Variants in EZR observed in about 807,000 individuals in gnomAD.
The protein encoded by EZR is ezrin, also known as cytovillin 2.
A neutral mutation model predicts 74.8 loss-of-function variants in EZR; 40 were observed. The observed-to-expected ratio is 0.53, with a 90% CI of 0.42 to 0.70. The LOEUF (loss-of-function observed/expected upper bound fraction) is 0.70. Ranked by LOEUF, EZR falls within the 30% of genes least tolerant of loss-of-function variation. The probability of loss-of-function intolerance (pLI) is 0.00; values close to 1 mark genes in which losing one functional copy is unlikely to be tolerated. For missense variants in EZR, 678 were observed against 755.8 expected (o/e 0.90, Z 1.21); for synonymous variants, 341 against 283.3 (o/e 1.20, Z -2.05).
Position 158,765,925 on chromosome 6 carries a change from AAACACAAG to A in EZR, c.*981_*988del, listed in dbSNP as rs1389506441. ...TGGCAGAGAGAGACTGCAAACAAAC[AAACACAAG>A]CAAACAGAGTCTCTTCACAGCTGGA... is the stretch of plus-strand genomic sequence containing the variant. On this transcript the variant is annotated 3_prime_UTR_variant, in exon 14 of 14. Coordinates refer to ENST00000367075, the MANE Select transcript of EZR (RefSeq NM_001111077.2). The A allele has an allele frequency of 6.7e-6, 1 of 149,998 alleles. No individual in the cohort carries two copies. The highest frequency in any genetic ancestry group is 1.5e-5 in the Non-Finnish European group (1 of 66,324). The allele number at this position is 149,998 out of a possible 1,614,324, so 9.3% of individuals were successfully genotyped here.
In EZR at chr6:158,766,745, C is replaced by T. The variant is rs1196896251; in HGVS notation, c.*169G>A. The stretch of plus-strand genomic sequence containing the variant: ...ACTATTACAACTGGGGAAAACAAAC[C>T]AGGGCGCCTCCCTGGTTCCCAGCCC... On this transcript the variant is annotated 3_prime_UTR_variant, in exon 14 of 14. Coordinates refer to ENST00000367075, the MANE Select transcript of EZR (RefSeq NM_001111077.2). The T allele has an allele frequency of 2.9e-6, 2 of 697,456 alleles. No individual in the cohort carries two copies. Among genetic ancestry groups the T allele is most frequent in the East Asian group, 2.5e-5 (1 of 39,778 alleles). 43.2% of individuals were successfully genotyped at this position (697,456 alleles called of 1,614,324 possible). A position where few individuals can be genotyped will look rare whatever the true frequency, so the allele number is the denominator to read the frequency against.
At chr6:158,768,929 A>C (rs1791005622) in intron 12 of EZR, among the ~76,000 whole-genome samples, 1 of 152,200 alleles carries the variant, frequency 6.6e-6, no homozygotes, top group South Asian at 2.1e-4. Flanking sequence ...TACTAGCTGC[A>C]GGAGGTCGTG....
intron 2 of EZR, among the ~76,000 whole-genome samples, chr6:158,814,197 G>A (rs903903862): frequency 3.9e-5 from 6 of 152,164 alleles, no homozygotes; most frequent in East Asian, 3.8e-4. Context: ...AGTCACACAT[G>A]AATAGAGTCC....
chr6:158,778,399 A>G (rs1031527573), intron 7 of EZR, among the ~76,000 whole-genome samples: 1 of 152,216 alleles, frequency 6.6e-6, no homozygotes, highest in East Asian at 1.9e-4. Flanking sequence ...ACTCATAAGC[A>G]TAACTGCAGT....
chr6:158,794,710 GT>G lies in EZR; in HGVS notation c.13-5340del, dbSNP rs535827402. ...CAACGCAATCACGTGTAGTACAGGT[GT>G]GTGTATAGTAAGCAGTTAGTCATCC... On this transcript the variant is annotated intron_variant, in intron 2 of 13. Transcript: ENST00000367075. 2.2e-3 allele frequency among the ~76,000 whole-genome samples: 333 copies of G among 152,272 alleles called. 2 individuals carry two copies. Among genetic ancestry groups the G allele is most frequent in the African/African-American group, 7.7e-3 (318 of 41,534 alleles).
chr6:158,771,124 G>T, intron 9 of EZR, 120 bp downstream of exon 9: 2 of 1,430,210 alleles, frequency 1.4e-6, no homozygotes, highest in South Asian at 2.7e-5. Context: ...CCAGCGTGGT[G>T]ACTGGGTTCC....
chr6:158,789,628 TC>T (rs1791680276), intron 2 of EZR: 2 of 551,182 alleles, frequency 3.6e-6, no homozygotes, highest in Middle Eastern at 2.8e-4. Flanking sequence ...GCAGTTTTTC[TC>T]TTTTCTTTGA....
intron 2 of EZR, among the ~76,000 whole-genome samples, chr6:158,798,953 C>T (rs921250462): frequency 2.0e-5 from 3 of 152,126 alleles, no homozygotes; most frequent in African/African-American, 7.2e-5. Context: ...CTGAGCACAA[C>T]CCAGCACTCT....
At position 158,769,854 on chromosome 6, in the gene EZR, A is replaced by G. The variant is rs772852240; in HGVS notation, c.1181T>C (p.Met394Thr). ...CTCCTCCTTAGCCCGCAGTGCAGCC[A>G]TACGGTCAGCCTCTAGGCGCTCGGC... ...EEAERLEADR[M>T]AALRAKEELE... The change falls in exon 11 of 14, where the codon ATG (methionine) becomes ACG (threonine). Residue 394 changes from methionine (M) to threonine (T), a missense_variant. Physicochemically the swap from Met to Thr is moderately conservative, Grantham distance 81. This residue lies in a region of EZR where 342 missense variants were observed against 341.2 expected (regional missense o/e 1.00). Transcript: ENST00000367075. 2 of 1,613,922 alleles carry G rather than the reference A, an allele frequency of 1.2e-6. No homozygotes were observed. Among genetic ancestry groups the G allele is most frequent in the East Asian group, 2.2e-5 (1 of 44,878 alleles).
chr6:158,805,915 A>G (rs1163868027), intron 2 of EZR, among the ~76,000 whole-genome samples: 1 of 152,186 alleles, frequency 6.6e-6, no homozygotes, highest in East Asian at 1.9e-4. Context: ...TAAAATGGCT[A>G]AAGCCCTACC....
At chr6:158,807,282 T>A (rs1296881769) in intron 2 of EZR, among the ~76,000 whole-genome samples, 1 of 144,784 alleles carries the variant, frequency 6.9e-6, no homozygotes, top group Non-Finnish European at 1.5e-5. Context: ...ACCACTGCAC[T>A]CCAGCCTGGG....
chr6:158,776,323 C>T lies in EZR; in HGVS notation c.795+85G>A, dbSNP rs529875405. The T allele has an allele frequency of 1.2e-4, 139 of 1,127,382 alleles. No homozygotes were observed. The African/African-American group carries it at 1.9e-3, about 15-fold the overall frequency. The allele number at this position is 1,127,382 out of a possible 1,614,324, so 69.8% of individuals were successfully genotyped here. A position where few individuals can be genotyped will look rare whatever the true frequency, so the allele number is the denominator to read the frequency against. On this transcript the variant is annotated intron_variant, in intron 8 of 13. Transcript: ENST00000367075. ...GAGGAGTTTGGACTATCACTGGCTA[C>T]TCGTCACAGTATAACTTGTCCGTTA...
At chr6:158,812,190 A>G (rs1057354665) in intron 2 of EZR, among the ~76,000 whole-genome samples, 6 of 152,118 alleles carry the variant, frequency 3.9e-5, no homozygotes, top group African/African-American at 1.4e-4. Context: ...GAGTCATCCT[A>G]GCCCCTATTC....
At chr6:158,799,489 G>A (rs1239553668) in intron 2 of EZR, among the ~76,000 whole-genome samples, 1 of 152,220 alleles carries the variant, frequency 6.6e-6, no homozygotes, top group Admixed American at 6.5e-5. Context: ...TCCATTTGTT[G>A]TACTAGCAGA....
intron 10 of EZR, 116 bp downstream of exon 10, chr6:158,770,648 G>A (rs886677548): frequency 5.9e-6 from 7 of 1,195,400 alleles, no homozygotes; most frequent in Admixed American, 5.8e-5. Flanking sequence ...CTGTGAGTCT[G>A]CGCTGTGGGA....
chr6:158,781,802 C>T (rs1441895319), intron 7 of EZR, among the ~76,000 whole-genome samples: 1 of 152,026 alleles, frequency 6.6e-6, no homozygotes. Context: ...CTCGCTCTGT[C>T]ACCCAGGCTA....
intron 12 of EZR, among the ~76,000 whole-genome samples, chr6:158,767,855 T>C (rs1790952791): frequency 1.3e-5 from 2 of 152,154 alleles, no homozygotes; most frequent in Non-Finnish European, 1.5e-5. Context: ...ACAGTCATTA[T>C]CAAGTGCTCT....
At chr6:158,773,054 C>T (rs185330569) in intron 8 of EZR, among the ~76,000 whole-genome samples, 4 of 152,086 alleles carry the variant, frequency 2.6e-5, no homozygotes, top group Non-Finnish European at 4.4e-5. Context: ...TGGGAGCAAT[C>T]GGCATTTTTA....
rs755819256 is a variant in EZR at position 158,771,395 on chromosome 6, A to G, written c.808T>C (p.Tyr270His). Residue 270 changes from tyrosine (Y) to histidine (H), a missense_variant, in exon 9 of 14, where the codon TAT (tyrosine) becomes CAT (histidine). Around this residue, in one of 3 missense-constraint regions of EZR, gnomAD observed 119 missense variants for 182.3 expected, o/e 0.65. Transcript: ENST00000367075. ...TTGTTGATTCTCAGACGTGGGGCAT[A>G]AAACACAAAGTCCTACAAAACAGAA... ...IDKKAPDFVFYAPRLRINKRI... is the reference protein window; with the variant it reads ...IDKKAPDFVFHAPRLRINKRI... The G allele has an allele frequency of 8.1e-6, 13 of 1,609,118 alleles. No individual in the cohort carries two copies. In the South Asian group the frequency reaches 9.9e-5, roughly 12 times the overall value.
Sources: allele counts gnomAD v4.1 joint callset (sites outside exome capture counted in the v4.1 genomes callset), GRCh38; gene constraint gnomAD v4.1.1; regional missense constraint gnomAD v4.1.1; transcripts MANE v1.5; gene names NCBI Gene and HGNC (gene_info 2026-07-23, HGNC 2026-07-21).